Variants in SYT9 observed in about 807,000 individuals in gnomAD.
The protein encoded by SYT9 is synaptotagmin-9.
Under a neutral mutation model 48.4 loss-of-function variants are expected in SYT9, and 22 were observed. The observed-to-expected ratio is 0.45, with a 90% CI of 0.32 to 0.65. The LOEUF is 0.65. Among genes scored for constraint, SYT9 ranks in the 30% least tolerant of loss-of-function variants. The pLI, the probability that SYT9 is intolerant of heterozygous loss-of-function variation, is 0.03. For missense variants in SYT9, 577 were observed against 622.0 expected (o/e 0.93, Z 0.77); for synonymous variants, 265 against 245.0 (o/e 1.08, Z -0.76).
At chr11:7,442,836 T>A (rs961258748) in intron 6 of SYT9, among the ~76,000 whole-genome samples, 2 of 150,336 alleles carry the variant, frequency 1.3e-5, no homozygotes, top group African/African-American at 5.0e-5. Context: ...TCTGATGGGT[T>A]CATTGATACA....
intron 3 of SYT9, among the ~76,000 whole-genome samples, chr11:7,353,705 T>G (rs1280664258): frequency 6.7e-6 from 1 of 148,354 alleles, no homozygotes; most frequent in Non-Finnish European, 1.5e-5. Context: ...GTTATAGTAT[T>G]TATTTATATT....
intron 2 of SYT9, among the ~76,000 whole-genome samples, chr11:7,305,505 A>T (rs1172955597): frequency 1.3e-5 from 2 of 152,212 alleles, no homozygotes. Flanking sequence ...GAAAATGCAC[A>T]CACACATACA....
chr11:7,416,126 A>C lies in SYT9; in HGVS notation c.1129A>C (p.Arg377=). 1 of 1,614,220 alleles carries C rather than the reference A, an allele frequency of 6.2e-7. No individual in the cohort carries two copies. Among genetic ancestry groups the C allele is most frequent in the Non-Finnish European group, 8.5e-7 (1 of 1,180,026 alleles). Residue 377 remains arginine (R), a synonymous_variant, in exon 4 of 7, where the codon AGG becomes CGG. Transcript: ENST00000318881. ...GRLTITIIKA[R]NLKAMDITGA... The stretch of plus-strand genomic sequence containing the variant: ...GCTGACCATTACCATTATAAAAGCA[A>C]GGAATTTAAAGGCAATGGACATAAC...
chr11:7,297,344 T>C (rs1341980777), intron 1 of SYT9, among the ~76,000 whole-genome samples: 1 of 152,202 alleles, frequency 6.6e-6, no homozygotes, highest in Admixed American at 6.5e-5. Context: ...TCAACAATTA[T>C]CAATTCATAG....
chr11:7,384,359 T>G (rs1185303865), intron 3 of SYT9, among the ~76,000 whole-genome samples: 4 of 152,202 alleles, frequency 2.6e-5, no homozygotes, highest in Non-Finnish European at 5.9e-5. Flanking sequence ...AATTAATGTA[T>G]GTGAAACTGA....
Position 7,277,745 on chromosome 11 carries a change from T to C in SYT9, c.146-25294T>C, listed in dbSNP as rs1187209413. ...GAATTTTCACTGTGAAAGCAAATGC[T>C]CCTGTTGGAGACCTTTATCATCAAC... On this transcript the variant is annotated intron_variant, in intron 1 of 6. Coordinates refer to ENST00000318881, the MANE Select transcript of SYT9 (RefSeq NM_175733.4). Among the ~76,000 whole-genome samples the C allele has an allele frequency of 1.3e-5, 2 of 152,242 alleles. 1 individual carries two copies. Among genetic ancestry groups the C allele is most frequent in the African/African-American group, 4.8e-5 (2 of 41,470 alleles).
chr11:7,383,654 T>C (rs1241859192), intron 3 of SYT9, among the ~76,000 whole-genome samples: 1 of 142,644 alleles, frequency 7.0e-6, no homozygotes, highest in Non-Finnish European at 1.6e-5. Context: ...CAGTATTTAC[T>C]GCATAAAGAC....
intron 2 of SYT9, among the ~76,000 whole-genome samples, chr11:7,311,704 A>G (rs1264195772): frequency 6.6e-6 from 1 of 152,256 alleles, no homozygotes; most frequent in African/African-American, 2.4e-5. Flanking sequence ...TTTTGTAAAG[A>G]AAACTCAATA....
chr11:7,447,112 G>C (rs1847948668), intron 6 of SYT9, among the ~76,000 whole-genome samples: 1 of 152,210 alleles, frequency 6.6e-6, no homozygotes, highest in Non-Finnish European at 1.5e-5. Flanking sequence ...GGAAGTGTCT[G>C]ATTCGGGGTC....
chr11:7,339,895 T>C (rs1589956411), intron 3 of SYT9, among the ~76,000 whole-genome samples: 1 of 152,328 alleles, frequency 6.6e-6, no homozygotes, highest in Admixed American at 6.5e-5. Flanking sequence ...AATTTGACTG[T>C]TGGCCTCTCT....
chr11:7,294,357 C>G (rs1290657275), intron 1 of SYT9, among the ~76,000 whole-genome samples: 1 of 152,178 alleles, frequency 6.6e-6, no homozygotes, highest in African/African-American at 2.4e-5. Context: ...AAAGTTTTAC[C>G]TCATTCCAGC....
intron 3 of SYT9, among the ~76,000 whole-genome samples, chr11:7,404,689 GA>G (rs1371927673): frequency 6.6e-6 from 1 of 152,080 alleles, no homozygotes; most frequent in Non-Finnish European, 1.5e-5. Flanking sequence ...GTCCTGTTTG[GA>G]TTATGTGCAT....
intron 6 of SYT9, among the ~76,000 whole-genome samples, chr11:7,424,713 A>G (rs1847421730): frequency 6.6e-6 from 1 of 152,216 alleles, no homozygotes; most frequent in Non-Finnish European, 1.5e-5. Flanking sequence ...ATTATCCTAT[A>G]GGCATAGGTG....
At chr11:7,426,733 G>T (rs1331575470) in intron 6 of SYT9, among the ~76,000 whole-genome samples, 1 of 151,930 alleles carries the variant, frequency 6.6e-6, no homozygotes, top group East Asian at 1.9e-4. Flanking sequence ...TCTGCCAAAG[G>T]GTCTCTGCTT....
chr11:7,301,558 A>T (rs759027439), intron 1 of SYT9, among the ~76,000 whole-genome samples: 11 of 152,222 alleles, frequency 7.2e-5, no homozygotes, highest in Non-Finnish European at 1.5e-4. Context: ...TAGAACTCAC[A>T]ATTAGTCATT....
chr11:7,381,611 A>G (rs988163843), intron 3 of SYT9, among the ~76,000 whole-genome samples: 1 of 152,170 alleles, frequency 6.6e-6, no homozygotes, highest in Admixed American at 6.5e-5. Flanking sequence ...TTGTCACAGA[A>G]GAGAGTGTCT....
intron 3 of SYT9, among the ~76,000 whole-genome samples, chr11:7,334,997 T>G (rs944740401): frequency 2.0e-5 from 3 of 152,214 alleles, no homozygotes; most frequent in Non-Finnish European, 2.9e-5. Flanking sequence ...GACCTAGGAA[T>G]AGACTGCTGG....
chr11:7,267,908 A>G (rs1202950407), intron 1 of SYT9, among the ~76,000 whole-genome samples: 2 of 152,058 alleles, frequency 1.3e-5, no homozygotes, highest in African/African-American at 2.4e-5. Flanking sequence ...AGAGGATTTA[A>G]TAACAGATAC....
chr11:7,449,798 G>A (rs1342309934), intron 6 of SYT9, among the ~76,000 whole-genome samples: 1 of 152,034 alleles, frequency 6.6e-6, no homozygotes, highest in African/African-American at 2.4e-5. Flanking sequence ...TTGAGAGAGG[G>A]CCTGAACTGT....
Sources: allele counts gnomAD v4.1 joint callset (sites outside exome capture counted in the v4.1 genomes callset), GRCh38; gene constraint gnomAD v4.1.1; transcripts MANE v1.5; gene names NCBI Gene and HGNC (gene_info 2026-07-23, HGNC 2026-07-21).